KATNA1: variants seen among roughly 807,000 people sequenced by gnomAD.
KATNA1 encodes katanin p60 ATPase-containing subunit A1.
Under a neutral mutation model 62.6 loss-of-function variants are expected in KATNA1, and 42 were observed. That is an observed-to-expected ratio of 0.67 (90% CI 0.52 to 0.87). The LOEUF is 0.87. Among genes scored for constraint, KATNA1 ranks in the 40% least tolerant of loss-of-function variants. KATNA1 has a pLI of 0.00. For synonymous variants in KATNA1, 186 were observed against 201.9 expected (o/e 0.92, Z 0.67); for missense variants, 498 against 612.5 (o/e 0.81, Z 1.97).
intron 4 of KATNA1, among the ~76,000 whole-genome samples, chr6:149,613,998 A>C (rs1479138777): frequency 1.3e-5 from 2 of 152,162 alleles, no homozygotes; most frequent in Non-Finnish European, 2.9e-5. Context: ...TCACCAAACA[A>C]CTGAACATGC....
intron 3 of KATNA1, among the ~76,000 whole-genome samples, chr6:149,627,275 T>A (rs1254943792): frequency 1.3e-5 from 2 of 151,648 alleles, no homozygotes; most frequent in Non-Finnish European, 1.5e-5. Context: ...ACACATGTGA[T>A]CCCAGTACTT....
chr6:149,639,759 G>T lies in KATNA1; in HGVS notation c.-13-1199C>A, dbSNP rs556061993. 4.6e-5 allele frequency among the ~76,000 whole-genome samples: 7 copies of T among 152,114 alleles called. No individual in the cohort carries two copies. The South Asian group carries it at 1.5e-3, about 32-fold the overall frequency. ...CAAAATAAACTCTCCCTCCTCTAAA[G>T]TCCCCTTGCACTTTACTGTGACTTT... is the stretch of plus-strand genomic sequence containing the variant. On this transcript the variant is annotated intron_variant, in intron 1 of 10. Transcript: ENST00000367411.
intron 4 of KATNA1, among the ~76,000 whole-genome samples, chr6:149,614,101 T>C (rs763849624): frequency 6.6e-6 from 1 of 152,190 alleles, no homozygotes; most frequent in Admixed American, 6.5e-5. Flanking sequence ...TATTCTGTGA[T>C]AGCAGCACAA....
chr6:149,614,932 C>T (rs1262342649), intron 4 of KATNA1, among the ~76,000 whole-genome samples: 9 of 152,026 alleles, frequency 5.9e-5, no homozygotes, highest in East Asian at 3.9e-4. Flanking sequence ...GTCAAGAGTT[C>T]GAGACCAGCC....
At chr6:149,642,231 A>G (rs920541320) in intron 1 of KATNA1, among the ~76,000 whole-genome samples, 1 of 152,202 alleles carries the variant, frequency 6.6e-6, no homozygotes, top group African/African-American at 2.4e-5. Flanking sequence ...CAGACTCAAA[A>G]AAGCAATGAT....
At chr6:149,622,590 C>T (rs984774513) in intron 4 of KATNA1, among the ~76,000 whole-genome samples, 2 of 151,864 alleles carry the variant, frequency 1.3e-5, no homozygotes, top group South Asian at 4.2e-4. Context: ...TATAAAGTTA[C>T]CAAAAAAAGC....
intron 3 of KATNA1, among the ~76,000 whole-genome samples, chr6:149,626,857 G>A (rs965211813): frequency 6.6e-6 from 1 of 151,176 alleles, no homozygotes; most frequent in Non-Finnish European, 1.5e-5. Context: ...GGTGGCAGGC[G>A]CCTATAATCC....
chr6:149,601,213 G>T (rs913860341), intron 7 of KATNA1, among the ~76,000 whole-genome samples: 2 of 152,102 alleles, frequency 1.3e-5, no homozygotes, highest in African/African-American at 4.8e-5. Flanking sequence ...TTAATAGATC[G>T]GAGGTGACCT....
At position 149,594,880 on chromosome 6, in the gene KATNA1, C is replaced by A; in HGVS notation, c.*156G>T. ...ATGCTAAAGTAAAACAAATTTTCAG[C>A]TTAAAAATATTGCCTTTATTCAGAA... On this transcript the variant is annotated 3_prime_UTR_variant, in exon 11 of 11. Coordinates refer to ENST00000367411, the MANE Select transcript of KATNA1 (RefSeq NM_007044.4). The A allele has an allele frequency of 1.8e-6, 1 of 550,812 alleles. No homozygotes were observed. The highest frequency in any genetic ancestry group is 3.0e-6 in the Non-Finnish European group (1 of 328,566). The allele number at this position is 550,812 out of a possible 1,614,324, so 34.1% of individuals were successfully genotyped here. A position where few individuals can be genotyped will look rare whatever the true frequency, so the allele number is the denominator to read the frequency against.
chr6:149,595,267 C>T (rs753182107), intron 10 of KATNA1, 33 bp from the exon 11 acceptor site: 5 of 1,558,272 alleles, frequency 3.2e-6, no homozygotes, highest in East Asian at 2.2e-5. Context: ...CAACAACACA[C>T]ACAATGTTAC....
chr6:149,630,888 A>G (rs904389775), intron 3 of KATNA1, among the ~76,000 whole-genome samples: 2 of 152,220 alleles, frequency 1.3e-5, no homozygotes, highest in Non-Finnish European at 2.9e-5. Context: ...TGTAATCATT[A>G]TTATAAAACA....
intron 10 of KATNA1, 135 bp downstream of exon 10, chr6:149,596,928 G>T: frequency 1.3e-6 from 1 of 756,014 alleles, no homozygotes; most frequent in Non-Finnish European, 2.1e-6. Context: ...GTTTCAGGCT[G>T]CAGTAAGCTG....
chr6:149,625,883 G>A (rs113931206), intron 3 of KATNA1, among the ~76,000 whole-genome samples: 4,596 of 151,466 alleles, frequency 0.03, 221 homozygotes, highest in African/African-American at 0.1. Flanking sequence ...GCAGTGAGCC[G>A]AGCTCACGCC....
At chr6:149,623,683 A>G (rs191123801) in intron 3 of KATNA1, among the ~76,000 whole-genome samples, 1 of 152,278 alleles carries the variant, frequency 6.6e-6, no homozygotes, top group Admixed American at 6.5e-5. Flanking sequence ...GACTGGAGTG[A>G]GCCAAGATCA....
intron 4 of KATNA1, among the ~76,000 whole-genome samples, chr6:149,614,358 G>C (rs1779082221): frequency 6.6e-6 from 1 of 152,182 alleles, no homozygotes; most frequent in South Asian, 2.1e-4. Context: ...CTTCAGGAGA[G>C]TTAAAGGGCC....
At chr6:149,634,913 GCA>G (rs1780010010) in intron 2 of KATNA1, among the ~76,000 whole-genome samples, 1 of 149,088 alleles carries the variant, frequency 6.7e-6, no homozygotes, top group Non-Finnish European at 1.5e-5. Flanking sequence ...CAATTCATAT[GCA>G]ACCAAGGTAT....
chr6:149,626,548 C>T (rs1174074848), intron 3 of KATNA1, among the ~76,000 whole-genome samples: 1 of 150,330 alleles, frequency 6.7e-6, no homozygotes, highest in Non-Finnish European at 1.5e-5. Flanking sequence ...TCCCAAAGTG[C>T]TGGGATTACA....
In KATNA1 at chr6:149,598,278, C is replaced by T; in HGVS notation, c.961G>A (p.Glu321Lys). Residue 321 changes from glutamate to lysine, a missense_variant, in exon 8 of 11, where the codon GAA (glutamate) becomes AAA (lysine). Physicochemically the swap from Glu to Lys is moderately conservative, Grantham distance 56. Coordinates refer to ENST00000367411, the MANE Select transcript of KATNA1 (RefSeq NM_007044.4). ...DSICSRRGTS[E>K]EHEASRRVKA... ...ACCCTTCTGCTTGCTTCATGTTCTT[C>T]AGAAGTCCCTCGGCGACTACAGATG... 1 of 1,613,930 alleles carries T rather than the reference C, an allele frequency of 6.2e-7. No homozygotes were observed. The highest frequency in any genetic ancestry group is 8.5e-7 in the Non-Finnish European group (1 of 1,179,992).
At chr6:149,602,250 C>G (rs539047236) in intron 6 of KATNA1, among the ~76,000 whole-genome samples, 1 of 152,080 alleles carries the variant, frequency 6.6e-6, no homozygotes, top group South Asian at 2.1e-4. Context: ...GCCTGTAATC[C>G]CAGCTACTCG....
Sources: gnomAD v4.1 joint callset for allele counts (sites outside exome capture counted in the v4.1 genomes callset) on GRCh38, gnomAD v4.1.1 for gene constraint, MANE v1.5 for transcripts, NCBI Gene and HGNC (gene_info 2026-07-23, HGNC 2026-07-21) for gene names.